OXSR1: variants seen among roughly 807,000 people sequenced by gnomAD.
The protein encoded by OXSR1 is oxidative stress responsive kinase 1.
Under a neutral mutation model 79.8 loss-of-function variants are expected in OXSR1, and 24 were observed. The observed-to-expected ratio is 0.30, with a 90% confidence interval of 0.22 to 0.42. The LOEUF is 0.42. Among genes scored for constraint, OXSR1 ranks in the 10% least tolerant of loss-of-function variants. OXSR1 has a pLI of 1.00. For synonymous variants in OXSR1, 226 were observed against 209.2 expected (o/e 1.08, Z -0.69); for missense variants, 430 against 618.4 (o/e 0.70, Z 3.23).
intron 8 of OXSR1, among the ~76,000 whole-genome samples, chr3:38,226,192 G>A (rs1435538272): frequency 6.6e-6 from 1 of 152,000 alleles, no homozygotes; most frequent in Non-Finnish European, 1.5e-5. Flanking sequence ...ATGCCCCACT[G>A]TAATAAGGTC....
intron 11 of OXSR1, among the ~76,000 whole-genome samples, 167 bp downstream of exon 11, chr3:38,237,128 TTGAA>T (rs948827662): frequency 6.6e-6 from 1 of 152,144 alleles, no homozygotes; most frequent in Non-Finnish European, 1.5e-5. Flanking sequence ...AGATATCTGT[TTGAA>T]TATGATAATA....
chr3:38,223,862 A>G lies in OXSR1; in HGVS notation c.651A>G (p.Ala217=). Residue 217 remains alanine (A), a synonymous_variant, in exon 7 of 18, where the codon GCA becomes GCG. Transcript: ENST00000311806. ...KADIWSFGIT[A]IELATGAAPY... is the part of the protein sequence containing the mutation. Reference sequence around the variant, plus strand: ...ATATTTGGAGTTTTGGAATTACAGCAATTGAATTGGCTACAGGGGCGGCTC... The same window carrying G: ...ATATTTGGAGTTTTGGAATTACAGCGATTGAATTGGCTACAGGGGCGGCTC... 6.2e-7 allele frequency: 1 copy of G among 1,611,470 alleles called. No homozygotes were observed. Among genetic ancestry groups the G allele is most frequent in the Non-Finnish European group, 8.5e-7 (1 of 1,178,414 alleles).
chr3:38,249,394 C>T (rs1335578104), intron 14 of OXSR1, among the ~76,000 whole-genome samples: 1 of 152,124 alleles, frequency 6.6e-6, no homozygotes, highest in Non-Finnish European at 1.5e-5. Context: ...TTTCCCTATC[C>T]TCTCTGCCTA....
chr3:38,209,964 C>T (rs2125827802), intron 4 of OXSR1, among the ~76,000 whole-genome samples: 1 of 152,216 alleles, frequency 6.6e-6, no homozygotes, highest in African/African-American at 2.4e-5. Flanking sequence ...GGTCTGCTCA[C>T]TGCAAAGTCC....
At chr3:38,197,371 A>G (rs770702562) in intron 3 of OXSR1, among the ~76,000 whole-genome samples, 4 of 152,174 alleles carry the variant, frequency 2.6e-5, no homozygotes, top group Non-Finnish European at 5.9e-5. Flanking sequence ...TGAACTTTCA[A>G]CCAGTTTTTC....
At chr3:38,195,797 G>A (rs1702063649) in intron 3 of OXSR1, among the ~76,000 whole-genome samples, 1 of 152,116 alleles carries the variant, frequency 6.6e-6, no homozygotes, top group Non-Finnish European at 1.5e-5. Flanking sequence ...GTTTTGCATT[G>A]CTTTTTAAAT....
At chr3:38,183,357 T>G (rs1559503039) in intron 2 of OXSR1, among the ~76,000 whole-genome samples, 1 of 152,144 alleles carries the variant, frequency 6.6e-6, no homozygotes, top group African/African-American at 2.4e-5. Flanking sequence ...TTGAATATAT[T>G]TGTATTTTTA....
intron 8 of OXSR1, among the ~76,000 whole-genome samples, chr3:38,228,781 C>T (rs1702746678): frequency 6.6e-6 from 1 of 152,144 alleles, no homozygotes; most frequent in Non-Finnish European, 1.5e-5. Flanking sequence ...ACCATATTGG[C>T]CAGGCTGGTC....
intron 10 of OXSR1, 58 bp from the exon 11 acceptor site, chr3:38,236,781 T>G: frequency 6.8e-7 from 1 of 1,469,168 alleles, no homozygotes; most frequent in Non-Finnish European, 9.2e-7. Context: ...AAATATGGAG[T>G]TTTCTACTTA....
intron 12 of OXSR1, 29 bp downstream of exon 12, chr3:38,242,807 T>C: frequency 7.3e-7 from 1 of 1,367,914 alleles, no homozygotes; most frequent in Non-Finnish European, 1.0e-6. Context: ...TGAATCCTTG[T>C]TAAAGTAAAT....
At chr3:38,196,108 AT>A (rs893074271) in intron 3 of OXSR1, among the ~76,000 whole-genome samples, 4 of 152,202 alleles carry the variant, frequency 2.6e-5, no homozygotes, top group African/African-American at 9.6e-5. Flanking sequence ...TCCTTCACAC[AT>A]TAAAGTTTGA....
At chr3:38,251,923 C>T (rs1255519563) in intron 16 of OXSR1, among the ~76,000 whole-genome samples, 1 of 152,192 alleles carries the variant, frequency 6.6e-6, no homozygotes, top group Non-Finnish European at 1.5e-5. Flanking sequence ...CCGTGAAAAA[C>T]CAGATAATAA....
chr3:38,223,185 G>C (rs767720321), intron 6 of OXSR1, among the ~76,000 whole-genome samples: 3 of 152,066 alleles, frequency 2.0e-5, no homozygotes, highest in Non-Finnish European at 4.4e-5. Context: ...TCCCAGTCTG[G>C]AGTGCAGTGG....
chr3:38,219,165 G>A (rs1425374941), intron 5 of OXSR1, among the ~76,000 whole-genome samples: 1 of 152,024 alleles, frequency 6.6e-6, no homozygotes, highest in Non-Finnish European at 1.5e-5. Context: ...TTGGTAAAGG[G>A]GGTATTATCA....
intron 4 of OXSR1, among the ~76,000 whole-genome samples, chr3:38,206,775 C>T (rs1702270885): frequency 2.6e-5 from 4 of 152,146 alleles, no homozygotes; most frequent in South Asian, 4.1e-4. Flanking sequence ...GATATTAAGT[C>T]GATGGATACT....
In OXSR1 at chr3:38,230,403, A is replaced by T. The variant is rs149444891; in HGVS notation, c.924A>T (p.Ala308=). 5.0e-6 allele frequency: 8 copies of T among 1,602,986 alleles called. No homozygotes were observed. In the African/African-American group the frequency reaches 1.1e-4, roughly 22 times the overall value. The part of the protein sequence containing the change: ...EFLQEKTLQR[A]PTISERAKKV... ...TTCAAGAAAAAACATTGCAGAGAGCACCAACCATTTCTGAAAGAGCAAAAA... is the reference window on the plus strand; with the variant it reads ...TTCAAGAAAAAACATTGCAGAGAGCTCCAACCATTTCTGAAAGAGCAAAAA... Residue 308 remains alanine (A), a synonymous_variant, in exon 10 of 18, where the codon GCA becomes GCT. Transcript: ENST00000311806.
chr3:38,186,670 A>C (rs996340027), intron 2 of OXSR1, among the ~76,000 whole-genome samples: 1 of 152,188 alleles, frequency 6.6e-6, no homozygotes, highest in African/African-American at 2.4e-5. Context: ...ATAACAGTCC[A>C]TTATATAGAT....
At chr3:38,239,530 T>C (rs754456547) in intron 11 of OXSR1, among the ~76,000 whole-genome samples, 54 of 152,184 alleles carry the variant, frequency 3.5e-4, no homozygotes, top group Non-Finnish European at 5.7e-4. Flanking sequence ...CACTACCCAA[T>C]CACCTGTGAG....
chr3:38,254,103 T>G lies in OXSR1; in HGVS notation c.*1212T>G. 1 of 398,474 alleles carries G rather than the reference T, an allele frequency of 2.5e-6. No homozygotes were observed. The highest frequency in any genetic ancestry group is 4.4e-6 in the Non-Finnish European group (1 of 225,692). 24.7% of individuals were successfully genotyped at this position (398,474 alleles called of 1,614,324 possible). On this transcript the variant is annotated 3_prime_UTR_variant, in exon 18 of 18. Coordinates refer to ENST00000311806, the MANE Select transcript of OXSR1 (RefSeq NM_005109.3). ...CTTTTTTCCTACCGTTTCATAGTCT[T>G]TGTCTAACTGCTAGTAACCCTACCG...
Sources: allele counts gnomAD v4.1 joint callset (sites outside exome capture counted in the v4.1 genomes callset), GRCh38; gene constraint gnomAD v4.1.1; transcripts MANE v1.5; gene names NCBI Gene and HGNC (gene_info 2026-07-23, HGNC 2026-07-21).